Variants in SV2C observed in about 807,000 individuals in gnomAD.
The protein encoded by SV2C is synaptic vesicle glycoprotein 2C.
Under a neutral mutation model 79.7 loss-of-function variants are expected in SV2C, and 49 were observed. The observed-to-expected ratio is 0.61, with a 90% CI of 0.49 to 0.78. The LOEUF is 0.78. Ranked by LOEUF, SV2C falls within the 30% of genes least tolerant of loss-of-function variation. SV2C has a pLI of 0.00. For missense variants in SV2C, 833 were observed against 912.9 expected (o/e 0.91, Z 1.13); for synonymous variants, 334 against 333.2 (o/e 1.00, Z -0.03).
chr5:76,280,986 G>A (rs961392535), intron 4 of SV2C: 5 of 538,696 alleles, frequency 9.3e-6, no homozygotes, highest in Admixed American at 5.8e-5. Context: ...CCAACAGGAA[G>A]CAAAGCACAG....
intron 12 of SV2C, among the ~76,000 whole-genome samples, chr5:76,322,162 G>A (rs974825738): frequency 6.6e-6 from 1 of 151,996 alleles, no homozygotes; most frequent in Non-Finnish European, 1.5e-5. Flanking sequence ...AAAGAAAATA[G>A]AAAGCTGATA....
At chr5:75,923,633 A>T in the SV2C span, among the ~76,000 whole-genome samples, 39,850 of 152,098 alleles carry the variant, frequency 0.26, 5,580 homozygotes, top group East Asian at 0.4. Flanking sequence ...AAAAGAAGAT[A>T]TACAAATAGC....
At chr5:75,890,073 T>A in the SV2C span, among the ~76,000 whole-genome samples, 1 of 152,150 alleles carries the variant, frequency 6.6e-6, no homozygotes, top group Non-Finnish European at 1.5e-5. Context: ...ATTTAGTATG[T>A]CAACTTAAAC....
the SV2C span, among the ~76,000 whole-genome samples, chr5:75,981,426 A>C: frequency 6.6e-6 from 1 of 152,280 alleles, no homozygotes; most frequent in East Asian, 1.9e-4. Flanking sequence ...CCTAAGCAAA[A>C]AGAACAAAGT....
chr5:76,012,655 G>A, the SV2C span, among the ~76,000 whole-genome samples: 1 of 152,122 alleles, frequency 6.6e-6, no homozygotes, highest in Non-Finnish European at 1.5e-5. Context: ...ATCACTTTTG[G>A]TGTTTTAGTC....
intron 1 of SV2C, among the ~76,000 whole-genome samples, chr5:76,109,707 G>A (rs550957385): frequency 4.0e-4 from 61 of 152,262 alleles, no homozygotes; most frequent in Non-Finnish European, 7.2e-4. Flanking sequence ...CCTACAAGCC[G>A]AGGAATGCCA....
chr5:76,052,442 G>A, the SV2C span, among the ~76,000 whole-genome samples: 1 of 152,142 alleles, frequency 6.6e-6, no homozygotes, highest in South Asian at 2.1e-4. Flanking sequence ...CTTATTAATG[G>A]CTCCTGGCTG....
At chr5:75,879,532 C>T in the SV2C span, among the ~76,000 whole-genome samples, 649 of 152,310 alleles carry the variant, frequency 4.3e-3, 4 homozygotes, top group African/African-American at 0.015. Context: ...CCATTGATTC[C>T]ATGTTCCATA....
chr5:76,334,347 A>AAC (rs35040132), downstream of SV2C, among the ~76,000 whole-genome samples: 102,251 of 151,610 alleles, frequency 0.67, 34,886 homozygotes, highest in African/African-American at 0.77. Context: ...TGGAGGCAGA[A>AAC]ACAGACTTAA....
At chr5:75,876,811 A>T in the SV2C span, among the ~76,000 whole-genome samples, 2 of 152,134 alleles carry the variant, frequency 1.3e-5, no homozygotes. Context: ...AAAGTGGTTA[A>T]TATTATTAGG....
the SV2C span, among the ~76,000 whole-genome samples, chr5:75,913,348 A>C: frequency 0.033 from 5,050 of 152,272 alleles, 206 homozygotes; most frequent in African/African-American, 0.1. Flanking sequence ...TGAATATGCC[A>C]TTGTATCTAG....
downstream of SV2C, among the ~76,000 whole-genome samples, chr5:76,336,055 CCCCCCCACCTCCCT>C (rs1749314534): frequency 3.2e-5 from 2 of 62,570 alleles, no homozygotes; most frequent in Non-Finnish European, 5.1e-5. Context: ...GGGGGGCTGA[CCCCCCCACCTCCCT>C]CCCGGACGGG....
At chr5:76,205,972 C>T (rs1339213705) in intron 3 of SV2C, among the ~76,000 whole-genome samples, 1 of 152,142 alleles carries the variant, frequency 6.6e-6, no homozygotes. Context: ...AAAATCAGCT[C>T]TATTTAAGAC....
chr5:76,069,030 C>A, the SV2C span, among the ~76,000 whole-genome samples: 1 of 152,148 alleles, frequency 6.6e-6, no homozygotes, highest in Non-Finnish European at 1.5e-5. Flanking sequence ...TGCAGCTCAC[C>A]CAGTTGGTCT....
chr5:76,085,597 G>A (rs564368048), intron 1 of SV2C, among the ~76,000 whole-genome samples: 11 of 152,190 alleles, frequency 7.2e-5, no homozygotes, highest in South Asian at 4.2e-4. Flanking sequence ...GGAACCCAGA[G>A]ACACAGATGC....
the SV2C span, among the ~76,000 whole-genome samples, chr5:76,061,268 T>TAAAAAAAAAAAAAA: frequency 3.9e-5 from 2 of 51,618 alleles, no homozygotes; most frequent in African/African-American, 8.9e-5. Flanking sequence ...CTTCAATTTG[T>TAAAAAAAAAAAAAA]AAAAAAAAAA....
chr5:76,267,481 G>A (rs1440920217), intron 4 of SV2C, among the ~76,000 whole-genome samples: 2 of 151,900 alleles, frequency 1.3e-5, no homozygotes, highest in African/African-American at 2.4e-5. Context: ...AACTGTGGAG[G>A]GTATATCAAA....
chr5:76,242,380 C>A, intron 4 of SV2C: 1 of 857,304 alleles, frequency 1.2e-6, no homozygotes, highest in South Asian at 1.4e-5. Context: ...GGGGGTCGTT[C>A]TCGCCTCTTC....
At chr5:76,320,276 G>T (rs944802527) in intron 12 of SV2C, among the ~76,000 whole-genome samples, 11 of 151,582 alleles carry the variant, frequency 7.3e-5, no homozygotes, top group African/African-American at 2.4e-4. Context: ...ATTGGTGATT[G>T]TTCAGGGTTG....
Sources: allele counts gnomAD v4.1 joint callset (sites outside exome capture counted in the v4.1 genomes callset), GRCh38; gene constraint gnomAD v4.1.1; transcripts MANE v1.5; gene names NCBI Gene and HGNC (gene_info 2026-07-23, HGNC 2026-07-21).